Variants in CHRM2 observed in about 807,000 individuals in gnomAD.
CHRM2 encodes the protein muscarinic acetylcholine receptor M2.
CHRM2 carries 8 observed loss-of-function variants against 25.0 expected under a neutral mutation model. That is an observed-to-expected ratio of 0.32 (90% confidence interval 0.19 to 0.58). The LOEUF (loss-of-function observed/expected upper bound fraction) is 0.58, where lower values mean the gene tolerates loss of function less well. Among genes scored for constraint, CHRM2 ranks in the 20% least tolerant of loss-of-function variants. CHRM2 has a pLI of 0.88. For synonymous variants in CHRM2, 202 were observed against 205.7 expected, an observed-to-expected ratio of 0.98 and a Z score of 0.15; for missense variants, 440 against 567.1, an observed-to-expected ratio of 0.78 and a Z score of 2.28.
chr7:136,933,945 G>A (rs1799264832), intron 2 of CHRM2, among the ~76,000 whole-genome samples: 2 of 152,198 alleles, frequency 1.3e-5, no homozygotes, highest in East Asian at 3.9e-4. Flanking sequence ...ATGAGTATGA[G>A]ATTTTTGTTC....
chr7:136,953,676 C>T (rs1476047531), intron 2 of CHRM2, among the ~76,000 whole-genome samples: 1 of 151,298 alleles, frequency 6.6e-6, no homozygotes, highest in Non-Finnish European at 1.5e-5. Context: ...CTGAAACAGA[C>T]ATGCAAACCA....
Position 136,868,729 on chromosome 7 carries a change from CTAG to C in CHRM2, c.-545_-543del, listed in dbSNP as rs1795693463. ...ACTAAAGGCGCCAGGGCGCAAAGAC[CTAG>C]GGAGCGCGCGCGGGCACACACACAC... On this transcript the variant is annotated 5_prime_UTR_variant, in exon 1 of 4. Coordinates refer to ENST00000680005, the MANE Select transcript of CHRM2 (RefSeq NM_001006630.2). The C allele has an allele frequency of 6.6e-6, 1 of 150,746 alleles. No individual in the cohort carries two copies. Among genetic ancestry groups the C allele is most frequent in the Non-Finnish European group, 1.5e-5 (1 of 68,378 alleles). 9.3% of individuals were successfully genotyped at this position (150,746 alleles called of 1,614,324 possible). A position where few individuals can be genotyped will look rare whatever the true frequency, so the allele number is the denominator to read the frequency against.
chr7:136,968,411 CT>C (rs74528145), intron 2 of CHRM2, among the ~76,000 whole-genome samples: 36,241 of 151,632 alleles, frequency 0.24, 4,418 homozygotes, highest in East Asian at 0.32. Context: ...AAAGGGAACC[CT>C]TGTATGCTGT....
At chr7:136,918,184 T>A (rs1296100839) in intron 2 of CHRM2, among the ~76,000 whole-genome samples, 3 of 152,080 alleles carry the variant, frequency 2.0e-5, no homozygotes, top group Admixed American at 2.0e-4. Flanking sequence ...CTTTAAAGTT[T>A]TAGGTGCCTT....
chr7:137,010,596 T>C (rs900649352), intron 3 of CHRM2, among the ~76,000 whole-genome samples: 12 of 152,020 alleles, frequency 7.9e-5, no homozygotes, highest in Admixed American at 7.2e-4. Flanking sequence ...CCACATGGCC[T>C]GTGCATCATG....
At chr7:136,974,009 A>G (rs889539672) in intron 2 of CHRM2, among the ~76,000 whole-genome samples, 1 of 152,160 alleles carries the variant, frequency 6.6e-6, no homozygotes, top group African/African-American at 2.4e-5. Context: ...ACATTTTGTA[A>G]TATTGTCACT....
chr7:136,988,920 TAATC>T (rs1042090549), intron 2 of CHRM2, among the ~76,000 whole-genome samples: 82 of 152,216 alleles, frequency 5.4e-4, no homozygotes, highest in African/African-American at 2.0e-3. Flanking sequence ...GAATTCATGA[TAATC>T]AATGCTTATT....
At chr7:136,891,501 T>G (rs1796689638) in intron 2 of CHRM2, among the ~76,000 whole-genome samples, 1 of 152,174 alleles carries the variant, frequency 6.6e-6, no homozygotes, top group Non-Finnish European at 1.5e-5. Context: ...ACATGACTTA[T>G]TACTGATGAT....
intron 2 of CHRM2, among the ~76,000 whole-genome samples, chr7:136,976,126 C>G (rs1285020360): frequency 6.6e-6 from 1 of 152,034 alleles, no homozygotes; most frequent in East Asian, 1.9e-4. Flanking sequence ...GCCATGTATA[C>G]AAAGCCTCAA....
rs1453490451 is a variant in CHRM2 at position 137,018,403 on chromosome 7, A to C, written c.*2137A>C. On this transcript the variant is annotated 3_prime_UTR_variant, in exon 4 of 4. Transcript: ENST00000680005. The stretch of plus-strand genomic sequence containing the variant: ...ACTTCAACATGCACTTTTACATTTT[A>C]AATTCATATTTATTTTCATATTGTT... 1 of 151,952 alleles carries C rather than the reference A, an allele frequency of 6.6e-6. No homozygotes were observed. Among genetic ancestry groups the C allele is most frequent in the Admixed American group, 6.6e-5 (1 of 15,204 alleles). 9.4% of individuals were successfully genotyped at this position (151,952 alleles called of 1,614,324 possible).
At chr7:136,922,185 G>C (rs771290256) in intron 2 of CHRM2, among the ~76,000 whole-genome samples, 1 of 152,168 alleles carries the variant, frequency 6.6e-6, no homozygotes, top group African/African-American at 2.4e-5. Context: ...TGCTCAAGCA[G>C]CAACTTTGGT....
At chr7:136,977,004 A>C (rs1802146685) in intron 2 of CHRM2, among the ~76,000 whole-genome samples, 1 of 152,218 alleles carries the variant, frequency 6.6e-6, no homozygotes, top group Non-Finnish European at 1.5e-5. Context: ...AAAACACATA[A>C]CATTCCTATT....
chr7:136,877,277 G>A (rs1796086315), intron 2 of CHRM2, among the ~76,000 whole-genome samples: 2 of 152,052 alleles, frequency 1.3e-5, no homozygotes, highest in African/African-American at 4.8e-5. Context: ...TATAGATTAA[G>A]AAGCACATCT....
intron 3 of CHRM2, among the ~76,000 whole-genome samples, chr7:137,008,780 T>G (rs1804617740): frequency 6.6e-6 from 1 of 152,114 alleles, no homozygotes; most frequent in Non-Finnish European, 1.5e-5. Flanking sequence ...TTCTCAAATT[T>G]TTTTATACAA....
chr7:136,923,261 CTTTT>C (rs5887816), intron 2 of CHRM2, among the ~76,000 whole-genome samples: 2 of 139,400 alleles, frequency 1.4e-5, no homozygotes, highest in African/African-American at 5.3e-5. Context: ...TACTTATTAG[CTTTT>C]TTTTTTTTTT....
At chr7:136,938,537 A>T in intron 2 of CHRM2, 1 of 932,424 alleles carries the variant, frequency 1.1e-6, no homozygotes, top group Non-Finnish European at 1.8e-6. Flanking sequence ...ATTGACCGTG[A>T]CTGCAGTGAT....
At chr7:136,966,294 C>A (rs758544093) in intron 2 of CHRM2, among the ~76,000 whole-genome samples, 70 of 151,698 alleles carry the variant, frequency 4.6e-4, no homozygotes, top group Non-Finnish European at 8.4e-4. Context: ...TTCACATATT[C>A]TTTGTCTTAT....
At chr7:136,968,721 A>AATATAT (rs57962090) in intron 2 of CHRM2, among the ~76,000 whole-genome samples, 5,536 of 142,368 alleles carry the variant, frequency 0.039, 115 homozygotes, top group African/African-American at 0.072. Flanking sequence ...TATTATCATA[A>AATATAT]ATATATATAT....
chr7:136,929,218 C>G (rs1798917407), intron 2 of CHRM2, among the ~76,000 whole-genome samples: 1 of 151,790 alleles, frequency 6.6e-6, no homozygotes, highest in Non-Finnish European at 1.5e-5. Flanking sequence ...GGATCAAATT[C>G]AAACTTTTGG....
Sources: gnomAD v4.1 joint callset for allele counts (sites outside exome capture counted in the v4.1 genomes callset) on GRCh38, gnomAD v4.1.1 for gene constraint, MANE v1.5 for transcripts, NCBI Gene and HGNC (gene_info 2026-07-23, HGNC 2026-07-21) for gene names.